CSMD1: variants seen among roughly 807,000 people sequenced by gnomAD.
The protein encoded by CSMD1 is CUB and Sushi multiple domains 1.
CSMD1 carries 213 observed loss-of-function variants against 417.5 expected under a neutral mutation model. The observed-to-expected ratio is 0.51, with a 90% CI of 0.46 to 0.57. The LOEUF (loss-of-function observed/expected upper bound fraction) is 0.57. Ranked by LOEUF, CSMD1 falls within the 20% of genes least tolerant of loss-of-function variation. The probability of loss-of-function intolerance (pLI) is 0.00; values close to 1 mark genes in which losing one functional copy is unlikely to be tolerated. For synonymous variants in CSMD1, 2,862 were observed against 1,736.8 expected, an observed-to-expected ratio of 1.65 and a Z score of -16.11; for missense variants, 6,923 against 4,529.7, an observed-to-expected ratio of 1.53 and a Z score of -15.17.
intron 49 of CSMD1, among the ~76,000 whole-genome samples, chr8:3,069,433 T>TGAA (rs2128997601): frequency 6.8e-6 from 1 of 146,462 alleles, no homozygotes; most frequent in East Asian, 2.0e-4. Flanking sequence ...AGACTCTGTC[T>TGAA]GAAAAAAAAA....
chr8:3,213,832 ATG>A (rs887540351), intron 30 of CSMD1, among the ~76,000 whole-genome samples: 1 of 145,176 alleles, frequency 6.9e-6, no homozygotes. Flanking sequence ...GTGTCTGTGT[ATG>A]TGTGTGTGTG....
At chr8:3,767,313 A>G (rs548265560) in intron 5 of CSMD1, among the ~76,000 whole-genome samples, 1 of 152,362 alleles carries the variant, frequency 6.6e-6, no homozygotes, top group East Asian at 1.9e-4. Flanking sequence ...GTCATTACGA[A>G]CACGGACAGT....
chr8:4,892,680 T>C (rs528330278), intron 1 of CSMD1, among the ~76,000 whole-genome samples: 4 of 152,108 alleles, frequency 2.6e-5, no homozygotes, highest in Non-Finnish European at 4.4e-5. Flanking sequence ...TTTCTATGCA[T>C]TCATATAGTC....
chr8:4,237,896 T>C (rs1802163094), intron 3 of CSMD1, among the ~76,000 whole-genome samples: 1 of 152,156 alleles, frequency 6.6e-6, no homozygotes, highest in South Asian at 2.1e-4. Flanking sequence ...CAGAAGTCTA[T>C]CTAAATAATA....
chr8:3,106,335 C>T (rs1355890131), intron 46 of CSMD1, among the ~76,000 whole-genome samples, 193 bp downstream of exon 46: 1 of 152,006 alleles, frequency 6.6e-6, no homozygotes, highest in Non-Finnish European at 1.5e-5. Context: ...GAGGTTGAGG[C>T]TGTGGTGAGC....
chr8:4,232,649 TCTTA>T (rs1048777939), intron 3 of CSMD1, among the ~76,000 whole-genome samples: 1 of 152,094 alleles, frequency 6.6e-6, no homozygotes, highest in African/African-American at 2.4e-5. Context: ...CATCACTAAA[TCTTA>T]CTTTCTTAAC....
At chr8:4,453,065 A>T (rs1799244003) in intron 2 of CSMD1, among the ~76,000 whole-genome samples, 1 of 152,172 alleles carries the variant, frequency 6.6e-6, no homozygotes, top group Non-Finnish European at 1.5e-5. Flanking sequence ...TAGGACCATG[A>T]ATGGTGATAA....
chr8:4,945,245 A>G (rs879797356), intron 1 of CSMD1, among the ~76,000 whole-genome samples: 10 of 152,270 alleles, frequency 6.6e-5, no homozygotes, highest in Admixed American at 6.5e-4. Context: ...GAGGCTGTGG[A>G]AGGGAACATG....
At chr8:4,368,512 T>C (rs1802221194) in intron 3 of CSMD1, among the ~76,000 whole-genome samples, 1 of 152,200 alleles carries the variant, frequency 6.6e-6, no homozygotes, top group Admixed American at 6.5e-5. Flanking sequence ...AAGTCCCTCT[T>C]TCTCAAATTT....
intron 2 of CSMD1, among the ~76,000 whole-genome samples, chr8:4,514,236 G>T (rs534569256): frequency 1.3e-5 from 2 of 152,102 alleles, no homozygotes; most frequent in Non-Finnish European, 2.9e-5. Flanking sequence ...TTCCTCTGGT[G>T]TCTGTGCTTC....
At chr8:3,412,614 G>C (rs551842616) in intron 12 of CSMD1, among the ~76,000 whole-genome samples, 1 of 152,256 alleles carries the variant, frequency 6.6e-6, no homozygotes, top group East Asian at 1.9e-4. Context: ...GCAGATATTT[G>C]GTTGAGGTTC....
intron 3 of CSMD1, among the ~76,000 whole-genome samples, chr8:4,093,997 G>GATAGATAC: frequency 6.6e-6 from 1 of 151,838 alleles, no homozygotes; most frequent in Non-Finnish European, 1.5e-5. Flanking sequence ...TAGATAGATA[G>GATAGATAC]ATAGATAGAT....
intron 2 of CSMD1, among the ~76,000 whole-genome samples, chr8:4,470,666 A>G (rs752508510): frequency 6.6e-6 from 1 of 152,214 alleles, no homozygotes; most frequent in African/African-American, 2.4e-5. Flanking sequence ...CTAAACGGCC[A>G]TTAGTGCTTT....
intron 3 of CSMD1, among the ~76,000 whole-genome samples, chr8:4,306,047 A>C (rs1437989876): frequency 6.6e-6 from 1 of 152,210 alleles, no homozygotes; most frequent in Non-Finnish European, 1.5e-5. Context: ...TTAAGTATGC[A>C]CATTACTGGA....
intron 1 of CSMD1, among the ~76,000 whole-genome samples, chr8:4,706,698 A>G (rs1199365297): frequency 6.6e-6 from 1 of 152,162 alleles, no homozygotes; most frequent in Non-Finnish European, 1.5e-5. Flanking sequence ...AATGGCATGA[A>G]AGTCCAAAAA....
chr8:3,693,739 A>T (rs1368676197), intron 7 of CSMD1, among the ~76,000 whole-genome samples: 1 of 151,912 alleles, frequency 6.6e-6, no homozygotes, highest in Non-Finnish European at 1.5e-5. Context: ...TATGCTTGTT[A>T]TGGTGTGTGT....
chr8:4,281,939 T>C (rs1035593395), intron 3 of CSMD1, among the ~76,000 whole-genome samples: 7 of 152,334 alleles, frequency 4.6e-5, no homozygotes, highest in East Asian at 1.9e-4. Context: ...TGCTGGTGAA[T>C]GTGCCTGTTA....
chr8:4,640,085 T>A (rs1803101204), intron 1 of CSMD1, among the ~76,000 whole-genome samples: 1 of 152,182 alleles, frequency 6.6e-6, no homozygotes, highest in Non-Finnish European at 1.5e-5. Flanking sequence ...GTAGTTACTG[T>A]TATAGACCCA....
chr8:3,382,361 T>C (rs533968377), intron 18 of CSMD1, among the ~76,000 whole-genome samples: 1,622 of 146,308 alleles, frequency 0.011, 15 homozygotes, highest in Non-Finnish European at 0.02. Flanking sequence ...TATTTATTAT[T>C]AGCATTCCAA....
Sources: gnomAD v4.1 joint callset for allele counts (sites outside exome capture counted in the v4.1 genomes callset) on GRCh38, gnomAD v4.1.1 for gene constraint, MANE v1.5 for transcripts, NCBI Gene and HGNC (gene_info 2026-07-23, HGNC 2026-07-21) for gene names.